PTPRD: variants seen among roughly 807,000 people sequenced by gnomAD.
PTPRD encodes receptor-type tyrosine-protein phosphatase delta.
Under a neutral mutation model 214.5 loss-of-function variants are expected in PTPRD, and 34 were observed. The observed-to-expected ratio is 0.16, with a 90% confidence interval of 0.12 to 0.21. The LOEUF is 0.21. Among genes scored for constraint, PTPRD ranks in the 10% least tolerant of loss-of-function variants. The pLI, the probability that PTPRD is intolerant of heterozygous loss-of-function variation, is 1.00. For synonymous variants in PTPRD, 1,128 were observed against 845.7 expected (o/e 1.33, Z -5.79); for missense variants, 2,545 against 2,398.7 (o/e 1.06, Z -1.27).
intron 2 of PTPRD, among the ~76,000 whole-genome samples, chr9:10,379,631 G>A (rs2097784734): frequency 6.6e-6 from 1 of 151,888 alleles, no homozygotes; most frequent in Non-Finnish European, 1.5e-5. Flanking sequence ...CTAGTCATTT[G>A]TATTCTGTTA....
At chr9:8,455,884 G>C (rs1334318914) in intron 33 of PTPRD, among the ~76,000 whole-genome samples, 1 of 152,150 alleles carries the variant, frequency 6.6e-6, no homozygotes, top group African/African-American at 2.4e-5. Context: ...AGGCTGTTTT[G>C]AGTATTCATA....
intron 9 of PTPRD, among the ~76,000 whole-genome samples, chr9:9,265,880 C>A (rs1011667327): frequency 6.6e-6 from 1 of 151,432 alleles, no homozygotes; most frequent in African/African-American, 2.4e-5. Context: ...TAAGTTCTTA[C>A]CCATCAATAA....
At chr9:9,979,482 T>G (rs916050401) in intron 4 of PTPRD, among the ~76,000 whole-genome samples, 1 of 152,028 alleles carries the variant, frequency 6.6e-6, no homozygotes, top group African/African-American at 2.4e-5. Context: ...TATACTCTTA[T>G]TTTTTGAATT....
chr9:10,469,689 T>A (rs897671691), intron 2 of PTPRD, among the ~76,000 whole-genome samples: 4 of 151,992 alleles, frequency 2.6e-5, no homozygotes, highest in African/African-American at 7.2e-5. Context: ...AAACTGCATA[T>A]AAAAGAGTTG....
At chr9:10,110,712 T>C (rs561359838) in intron 3 of PTPRD, among the ~76,000 whole-genome samples, 1 of 152,132 alleles carries the variant, frequency 6.6e-6, no homozygotes, top group Non-Finnish European at 1.5e-5. Flanking sequence ...CCGTAAAAGG[T>C]TGGCAAAAAT....
intron 8 of PTPRD, among the ~76,000 whole-genome samples, chr9:9,527,386 G>A (rs755262104): frequency 7.9e-5 from 12 of 152,172 alleles, no homozygotes; most frequent in Admixed American, 2.6e-4. Flanking sequence ...CATGTGAAGC[G>A]TGGGCACTTG....
chr9:8,768,275 G>T (rs888981746), intron 11 of PTPRD, among the ~76,000 whole-genome samples: 1 of 152,146 alleles, frequency 6.6e-6, no homozygotes, highest in Non-Finnish European at 1.5e-5. Context: ...ATAATGGTAC[G>T]TGCCTATAGT....
Position 10,334,500 on chromosome 9 carries a change from C to T in PTPRD, c.-545+6463G>A, listed in dbSNP as rs117363880. On this transcript the variant is annotated intron_variant, in intron 3 of 45. Coordinates refer to ENST00000381196, the MANE Select transcript of PTPRD (RefSeq NM_002839.4). The stretch of plus-strand genomic sequence containing the variant: ...AAGCTCGAGGCTTTCTTTCTAAGAT[C>T]AGGAATAAAGCAACAATATTCCCTC... Among the ~76,000 whole-genome samples, 447 of 149,094 alleles carry T rather than the reference C, an allele frequency of 3.0e-3. 3 individuals carry two copies. The highest frequency in any genetic ancestry group is 3.8e-3 in the Non-Finnish European group (254 of 67,232).
At chr9:8,685,246 A>G (rs1191912552) in intron 12 of PTPRD, among the ~76,000 whole-genome samples, 1 of 147,064 alleles carries the variant, frequency 6.8e-6, no homozygotes, top group Non-Finnish European at 1.5e-5. Flanking sequence ...AAGTGCATAA[A>G]TGTAGAAAGC....
At chr9:8,980,814 C>G (rs1433536) in intron 11 of PTPRD, among the ~76,000 whole-genome samples, 1 of 151,886 alleles carries the variant, frequency 6.6e-6, no homozygotes, top group Non-Finnish European at 1.5e-5. Context: ...TGGGGACTTA[C>G]GGTGTACATT....
chr9:9,040,544 C>A (rs1391590961), intron 10 of PTPRD, among the ~76,000 whole-genome samples: 2 of 151,728 alleles, frequency 1.3e-5, no homozygotes, highest in East Asian at 3.9e-4. Flanking sequence ...TTGGTGCCAC[C>A]ACAGCCTGTG....
chr9:8,835,471 C>T (rs952308110), intron 11 of PTPRD, among the ~76,000 whole-genome samples: 5 of 152,174 alleles, frequency 3.3e-5, no homozygotes, highest in Non-Finnish European at 5.9e-5. Flanking sequence ...TCAACCTCAC[C>T]GCATACACTG....
chr9:9,418,535 T>C (rs2077661813), intron 8 of PTPRD, among the ~76,000 whole-genome samples: 1 of 152,022 alleles, frequency 6.6e-6, no homozygotes, highest in Non-Finnish European at 1.5e-5. Flanking sequence ...GCCTTGCAAC[T>C]TTTGAAAGCG....
At chr9:9,059,835 T>C (rs1270198131) in intron 10 of PTPRD, among the ~76,000 whole-genome samples, 2 of 151,914 alleles carry the variant, frequency 1.3e-5, no homozygotes, top group Non-Finnish European at 2.9e-5. Context: ...ATGCACAAAA[T>C]AAATACATTA....
intron 35 of PTPRD, among the ~76,000 whole-genome samples, chr9:8,409,077 C>T (rs1231267575): frequency 6.6e-6 from 1 of 152,124 alleles, no homozygotes; most frequent in Non-Finnish European, 1.5e-5. Flanking sequence ...GTATTCTCGA[C>T]AAAAACTCAG....
In PTPRD at chr9:10,483,266, CATGTACAAAA is replaced by C. The variant is rs576674143; in HGVS notation, c.-600+129122_-600+129131del. ...ATGAAACTGGATCCTTATTTCTCAC[CATGTACAAAA>C]ATGAACTCAAGATGGATTAAAGACT... On this transcript the variant is annotated intron_variant, in intron 2 of 45. Transcript: ENST00000381196. Among the ~76,000 whole-genome samples, 374 of 152,118 alleles carry C rather than the reference CATGTACAAAA, an allele frequency of 2.5e-3. 3 individuals are homozygous for C. Among genetic ancestry groups the C allele is most frequent in the African/African-American group, 8.4e-3 (348 of 41,506 alleles).
intron 3 of PTPRD, among the ~76,000 whole-genome samples, chr9:10,211,877 C>T (rs1027694926): frequency 2.5e-4 from 38 of 152,180 alleles, no homozygotes; most frequent in East Asian, 1.5e-3. Context: ...GATGGTTGCA[C>T]TAAAAGCCCA....
intron 3 of PTPRD, among the ~76,000 whole-genome samples, chr9:10,228,323 A>G (rs2154354041): frequency 6.6e-6 from 1 of 152,158 alleles, no homozygotes; most frequent in South Asian, 2.1e-4. Flanking sequence ...TAAGTCAACT[A>G]GAAAAGGCAC....
intron 9 of PTPRD, among the ~76,000 whole-genome samples, chr9:9,218,036 G>A (rs138722798): frequency 8.5e-4 from 129 of 152,198 alleles, no homozygotes; most frequent in South Asian, 5.8e-3. Context: ...TCTGGGGTCC[G>A]AAAATAGAAC....
Sources: gnomAD v4.1 joint callset for allele counts (sites outside exome capture counted in the v4.1 genomes callset) on GRCh38, gnomAD v4.1.1 for gene constraint, MANE v1.5 for transcripts, NCBI Gene and HGNC (gene_info 2026-07-23, HGNC 2026-07-21) for gene names.